The following ARHGEF11 variants were observed in gnomAD, a reference collection of about 807,000 sequenced individuals.
ARHGEF11 encodes Rho guanine exchange factor (GEF) 11.
ARHGEF11 carries 55 observed loss-of-function variants against 193.7 expected under a neutral mutation model. The observed-to-expected ratio is 0.28, with a 90% CI of 0.23 to 0.36. The LOEUF (loss-of-function observed/expected upper bound fraction) is 0.36. ARHGEF11 is among the 10% of genes least tolerant of loss of function. ARHGEF11 has a pLI of 1.00. For synonymous variants in ARHGEF11, 693 were observed against 768.0 expected (o/e 0.90, Z 1.62); for missense variants, 1,723 against 2,005.6 (o/e 0.86, Z 2.69).
rs1658531248 is a variant in ARHGEF11 at position 156,948,327 on chromosome 1, G to C, written c.2097C>G (p.Leu699=). ...GTTGTAGCCCTGCCCACCTGGTGGA[G>C]AGGCTGGAGGTAGAGGACGAGGCTG... ...HQSASSSTSS[L]STRSLENPTP... is the part of the protein sequence containing the mutation. Residue 699 remains leucine (L), a synonymous_variant, in exon 23 of 41, where the codon CTC becomes CTG. Transcript: ENST00000368194. This position sits in a 1 kb window ranked among gnomAD's most constrained non-coding sequence, Gnocchi z 4.2. 1 of 1,614,010 alleles carries C rather than the reference G, an allele frequency of 6.2e-7. No individual in the cohort carries two copies. Among genetic ancestry groups the C allele is most frequent in the Non-Finnish European group, 8.5e-7 (1 of 1,179,860 alleles).
intron 1 of ARHGEF11, among the ~76,000 whole-genome samples, chr1:157,009,091 T>C (rs371867804): frequency 7.2e-4 from 109 of 152,328 alleles, no homozygotes; most frequent in African/African-American, 2.5e-3. Context: ...TAATTAAGAA[T>C]GAAACTAAAT....
At chr1:156,997,917 T>C (rs1666751572) in intron 1 of ARHGEF11, among the ~76,000 whole-genome samples, 1 of 152,190 alleles carries the variant, frequency 6.6e-6, no homozygotes, top group Non-Finnish European at 1.5e-5. Flanking sequence ...ATCTTTCTAT[T>C]GGACAGCACT....
intron 1 of ARHGEF11, among the ~76,000 whole-genome samples, chr1:156,999,309 A>G (rs886548579): frequency 1.3e-5 from 2 of 152,220 alleles, no homozygotes; most frequent in African/African-American, 4.8e-5. Flanking sequence ...ATTAAATAGT[A>G]GAGCCAGGAC....
chr1:156,991,100 T>C (rs985970024), intron 1 of ARHGEF11, among the ~76,000 whole-genome samples: 2 of 152,338 alleles, frequency 1.3e-5, no homozygotes, highest in East Asian at 1.9e-4. Flanking sequence ...TTTTCTCATA[T>C]TGAGAACCCC....
At chr1:156,989,287 CCTTT>C (rs1225123349) in intron 1 of ARHGEF11, among the ~76,000 whole-genome samples, 2 of 152,102 alleles carry the variant, frequency 1.3e-5, no homozygotes, top group Admixed American at 6.6e-5. Context: ...CAGACTCGCT[CCTTT>C]CTTTACATAA....
chr1:157,027,663 C>T (rs1338595269), intron 1 of ARHGEF11, among the ~76,000 whole-genome samples: 2 of 152,128 alleles, frequency 1.3e-5, no homozygotes, highest in African/African-American at 4.8e-5. Flanking sequence ...GTAACTGCAA[C>T]AGTAGTTCCC....
chr1:156,965,913 A>T (rs1661616915), intron 11 of ARHGEF11, among the ~76,000 whole-genome samples: 1 of 152,246 alleles, frequency 6.6e-6, no homozygotes, highest in African/African-American at 2.4e-5. Context: ...GATGCCACTC[A>T]GAAGACAATT....
Position 157,038,029 on chromosome 1 carries a change from CAAAAAAAAAAAAAA to C in ARHGEF11, c.32+6256_32+6269del, listed in dbSNP as rs145416871. On this transcript the variant is annotated intron_variant, in intron 1 of 40. Transcript: ENST00000368194. ...CCTGGGTGACAGAGCAAGACTGTCTCAAAAAAAAAAAAAAAAAAAAAAAAAAGAATGTAAGCTCT... is the reference window on the plus strand; with the variant it reads ...CCTGGGTGACAGAGCAAGACTGTCTCAAAAAAAAAAAAGAATGTAAGCTCT... Among the ~76,000 whole-genome samples, 4 of 45,502 alleles carry C rather than the reference CAAAAAAAAAAAAAA, an allele frequency of 8.8e-5. 1 individual carries two copies. The highest frequency in any genetic ancestry group is 1.3e-3 in the South Asian group (1 of 774). The allele number at this position is 45,502 out of a possible 152,430, so 29.9% of individuals were successfully genotyped here. A position where few individuals can be genotyped will look rare whatever the true frequency, so the allele number is the denominator to read the frequency against.
At chr1:157,007,103 A>G (rs548593815) in intron 1 of ARHGEF11, among the ~76,000 whole-genome samples, 61 of 152,344 alleles carry the variant, frequency 4.0e-4, no homozygotes, top group Admixed American at 7.8e-4. Context: ...CTCCACATAC[A>G]TTTCAGGGTA....
At chr1:156,963,786 C>T in intron 11 of ARHGEF11, 192 bp from the exon 12 acceptor site, 16 of 1,424,042 alleles carry the variant, frequency 1.1e-5, no homozygotes, top group African/African-American at 2.9e-5. Context: ...AAGTCAACTG[C>T]TTCTGGGTGG....
chr1:156,999,676 T>C (rs1354643525), intron 1 of ARHGEF11, among the ~76,000 whole-genome samples: 2 of 151,966 alleles, frequency 1.3e-5, no homozygotes, highest in African/African-American at 4.8e-5. Context: ...TTCATTTGAG[T>C]TTCCTGGTTT....
chr1:156,944,535 G>C (rs1657763323), intron 30 of ARHGEF11, 102 bp from the exon 31 acceptor site: 1 of 1,286,076 alleles, frequency 7.8e-7, no homozygotes, highest in South Asian at 1.2e-5. Context: ...GCTGGGAATT[G>C]GTAAATAAGA....
chr1:156,973,475 C>T (rs145593164), intron 7 of ARHGEF11, among the ~76,000 whole-genome samples: 143 of 152,312 alleles, frequency 9.4e-4, no homozygotes, highest in African/African-American at 3.3e-3. Context: ...TGATCTCTTT[C>T]GGTCATCCAG....
chr1:157,037,990 C>T (rs183282842), intron 1 of ARHGEF11, among the ~76,000 whole-genome samples: 267 of 143,258 alleles, frequency 1.9e-3, no homozygotes, highest in Non-Finnish European at 3.5e-3. Context: ...CGAGATCACG[C>T]CACTGCACTC....
intron 21 of ARHGEF11, among the ~76,000 whole-genome samples, chr1:156,954,380 CAAAAA>C (rs559848711): frequency 1.3e-5 from 1 of 75,148 alleles, no homozygotes; most frequent in Non-Finnish European, 2.5e-5. Context: ...ACTGTGTCTC[CAAAAA>C]AAAAAAAAAA....
intron 21 of ARHGEF11, among the ~76,000 whole-genome samples, chr1:156,953,590 T>C (rs1328722051): frequency 6.6e-6 from 1 of 152,214 alleles, no homozygotes; most frequent in Non-Finnish European, 1.5e-5. Context: ...TTTAAACTAA[T>C]TTGGAAGATA....
intron 1 of ARHGEF11, among the ~76,000 whole-genome samples, chr1:157,012,537 C>G (rs973434180): frequency 1.3e-5 from 2 of 152,198 alleles, no homozygotes; most frequent in African/African-American, 4.8e-5. Context: ...CAGCCCTTCA[C>G]TTCCATGCTT....
At chr1:156,936,579 T>C (rs1019165246) in intron 40 of ARHGEF11, among the ~76,000 whole-genome samples, 6 of 148,646 alleles carry the variant, frequency 4.0e-5, no homozygotes, top group Non-Finnish European at 7.4e-5. Context: ...TCCTGGTTTG[T>C]TACCTCCATA....
rs1571602377 is a variant in ARHGEF11, at chr1:157,035,475, G to A, written c.32+8824C>T. On this transcript the variant is annotated intron_variant, in intron 1 of 40. Coordinates refer to ENST00000368194, the MANE Select transcript of ARHGEF11 (RefSeq NM_198236.3). ...GGCTGGAGAGCAATGGCGCAATCTC[G>A]GCTCACCGCAACCTCTGCCTCCTGG... is the stretch of plus-strand genomic sequence containing the variant. Among the ~76,000 whole-genome samples the A allele has an allele frequency of 4.6e-5, 7 of 150,962 alleles. 1 individual carries two copies. In the South Asian group the frequency reaches 8.4e-4, roughly 18 times the overall value.
Sources: allele counts gnomAD v4.1 joint callset (sites outside exome capture counted in the v4.1 genomes callset), GRCh38; gene constraint gnomAD v4.1.1; non-coding constraint Gnocchi (gnomAD v3.1); transcripts MANE v1.5; gene names NCBI Gene and HGNC (gene_info 2026-07-23, HGNC 2026-07-21).